The following RPTOR variants were observed in gnomAD, a reference collection of about 807,000 sequenced individuals.
RPTOR encodes regulatory-associated protein of mTOR.
RPTOR carries 21 observed loss-of-function variants against 169.9 expected under a neutral mutation model. The observed-to-expected ratio is 0.12, with a 90% CI of 0.09 to 0.18. The LOEUF is 0.18. Among genes scored for constraint, RPTOR ranks in the 10% least tolerant of loss-of-function variants. The pLI, the probability that RPTOR is intolerant of heterozygous loss-of-function variation, is 1.00. For missense variants in RPTOR, 1,133 were observed against 1,855.9 expected, an observed-to-expected ratio of 0.61 and a Z score of 7.16; for synonymous variants, 732 against 753.2, an observed-to-expected ratio of 0.97 and a Z score of 0.46.
intron 3 of RPTOR, among the ~76,000 whole-genome samples, chr17:80,701,618 G>A (rs2066101689): frequency 6.6e-6 from 1 of 152,218 alleles, no homozygotes; most frequent in Non-Finnish European, 1.5e-5. Context: ...CCTGAGTCCT[G>A]AAATGACATT....
intron 13 of RPTOR, among the ~76,000 whole-genome samples, chr17:80,870,135 A>T (rs1011517937): frequency 6.6e-6 from 1 of 152,270 alleles, no homozygotes; most frequent in African/African-American, 2.4e-5. Context: ...TACTCAGTCC[A>T]GACTGACCTT....
At chr17:80,851,610 G>A (rs147694011) in intron 11 of RPTOR, among the ~76,000 whole-genome samples, 4 of 152,318 alleles carry the variant, frequency 2.6e-5, no homozygotes, top group East Asian at 3.9e-4. Flanking sequence ...GACCTCCGAC[G>A]CCGACTCCCA....
At chr17:80,602,785 C>T in intron 1 of RPTOR, 2 of 708,074 alleles carry the variant, frequency 2.8e-6, no homozygotes, top group East Asian at 2.6e-5. Context: ...TTCCGAATCT[C>T]TCTGAGTGCC....
intron 3 of RPTOR, among the ~76,000 whole-genome samples, chr17:80,700,754 A>ATGGTGGTGGTGGTGG (rs1491119820): frequency 1.3e-4 from 3 of 22,434 alleles, no homozygotes; most frequent in Non-Finnish European, 3.0e-4. Flanking sequence ...GGTGGTGGTG[A>ATGGTGGTGGTGGTGG]TGATGGTGAT....
intron 13 of RPTOR, among the ~76,000 whole-genome samples, chr17:80,863,540 A>G (rs1042730113): frequency 1.3e-5 from 2 of 152,234 alleles, no homozygotes; most frequent in Non-Finnish European, 2.9e-5. Flanking sequence ...ACCCAACTTG[A>G]ATTTCTAGAG....
chr17:80,664,519 C>T lies in RPTOR; in HGVS notation c.348+20709C>T, dbSNP rs113231392. 7.6e-3 allele frequency among the ~76,000 whole-genome samples: 1,067 copies of T among 140,192 alleles called. 16 individuals carry two copies. Among genetic ancestry groups the T allele is most frequent in the African/African-American group, 0.025 (1,007 of 39,852 alleles). 92.0% of individuals were successfully genotyped at this position (140,192 alleles called of 152,430 possible). A position where few individuals can be genotyped will look rare whatever the true frequency, so the allele number is the denominator to read the frequency against. On this transcript the variant is annotated intron_variant, in intron 3 of 33. Transcript: ENST00000306801. ...CTTCCCCTTTCAGTGCTTGCTCTTC[C>T]CTCCTTTCCTTCTTCTCTTCCTCAC...
At chr17:80,846,412 G>A (rs3829572) in intron 10 of RPTOR, 61 bp from the exon 11 acceptor site, 906,688 of 1,523,870 alleles carry the variant, frequency 0.59, 278,691 homozygotes, top group Non-Finnish European at 0.63. Context: ...GGCAGGGGTG[G>A]GCAAGACCAG....
intron 1 of RPTOR, among the ~76,000 whole-genome samples, chr17:80,546,295 T>A (rs767260355): frequency 4.6e-5 from 7 of 152,278 alleles, no homozygotes; most frequent in African/African-American, 9.6e-5. Flanking sequence ...CTGAACTTCA[T>A]TCTAGTCTTC....
intron 20 of RPTOR, among the ~76,000 whole-genome samples, chr17:80,908,494 C>T (rs892344587): frequency 6.6e-6 from 1 of 152,224 alleles, no homozygotes; most frequent in Admixed American, 6.5e-5. Flanking sequence ...TGACATCAGA[C>T]GCTCCTCCGG....
intron 24 of RPTOR, among the ~76,000 whole-genome samples, chr17:80,925,923 T>C (rs2143990695): frequency 6.6e-6 from 1 of 152,348 alleles, no homozygotes; most frequent in African/African-American, 2.4e-5. Flanking sequence ...AAGCGCCGTG[T>C]GCTGTGGACG....
At chr17:80,787,625 C>T (rs1248062730) in intron 6 of RPTOR, among the ~76,000 whole-genome samples, 1 of 152,202 alleles carries the variant, frequency 6.6e-6, no homozygotes, top group Non-Finnish European at 1.5e-5. Context: ...TGCCATTTTA[C>T]ACTCCTACAG....
At chr17:80,789,975 C>T (rs563272870) in intron 6 of RPTOR, among the ~76,000 whole-genome samples, 150 of 152,292 alleles carry the variant, frequency 9.8e-4, no homozygotes, top group African/African-American at 3.4e-3. Flanking sequence ...TAGCATGGTT[C>T]GCATAGGACT....
chr17:80,627,836 A>ATT (rs34155053), intron 2 of RPTOR, among the ~76,000 whole-genome samples: 8 of 139,676 alleles, frequency 5.7e-5, no homozygotes, highest in Admixed American at 7.2e-5. Flanking sequence ...GTATGTTTAA[A>ATT]TTTTTTTTTT....
chr17:80,855,582 G>C (rs769368468), intron 12 of RPTOR, 35 bp downstream of exon 12: 5 of 1,455,352 alleles, frequency 3.4e-6, no homozygotes, highest in South Asian at 2.3e-5. Context: ...GGGGCTGAGG[G>C]AGGTGGGACA....
intron 24 of RPTOR, among the ~76,000 whole-genome samples, chr17:80,928,822 C>T (rs1349050036): frequency 6.6e-6 from 1 of 152,164 alleles, no homozygotes; most frequent in African/African-American, 2.4e-5. Flanking sequence ...TTTTTCTTCT[C>T]TCAGTTGGAA....
At chr17:80,857,981 T>A in intron 13 of RPTOR, 81 bp downstream of exon 13, 1 of 1,111,980 alleles carries the variant, frequency 9.0e-7, no homozygotes, top group Non-Finnish European at 1.3e-6. Context: ...GTTTCCAGCC[T>A]GCCCTTTCTC....
intron 24 of RPTOR, among the ~76,000 whole-genome samples, chr17:80,929,480 T>C (rs1387018791): frequency 6.6e-6 from 1 of 152,234 alleles, no homozygotes; most frequent in Non-Finnish European, 1.5e-5. Context: ...TTTTTAATTA[T>C]AAAAAGCTTT....
intron 21 of RPTOR, among the ~76,000 whole-genome samples, chr17:80,917,540 G>C (rs1279474050): frequency 6.6e-6 from 1 of 152,172 alleles, no homozygotes; most frequent in Non-Finnish European, 1.5e-5. Context: ...CAAGCTGCCT[G>C]AATCGTAAGG....
At chr17:80,546,174 A>C (rs2084272022) in intron 1 of RPTOR, among the ~76,000 whole-genome samples, 2 of 152,364 alleles carry the variant, frequency 1.3e-5, no homozygotes, top group South Asian at 4.1e-4. Context: ...TACTTTTTAA[A>C]ATATCCAAGC....
Sources: gnomAD v4.1 joint callset for allele counts (sites outside exome capture counted in the v4.1 genomes callset) on GRCh38, gnomAD v4.1.1 for gene constraint, MANE v1.5 for transcripts, NCBI Gene and HGNC (gene_info 2026-07-23, HGNC 2026-07-21) for gene names.